ABCA1: variants seen among roughly 807,000 people sequenced by gnomAD.
ABCA1 encodes phospholipid-transporting ATPase ABCA1.
In ABCA1, 133 loss-of-function variants were observed where a neutral mutation model predicts 262.5. The ratio of observed to expected loss-of-function variants is 0.51; its 90% CI spans 0.44 to 0.59. The LOEUF is 0.59. Among genes scored for constraint, ABCA1 ranks in the 20% least tolerant of loss-of-function variants. The pLI, the probability that ABCA1 is intolerant of heterozygous loss-of-function variation, is 0.00. For missense variants in ABCA1, 2,452 were observed against 2,777.5 expected (o/e 0.88, Z 2.63); for synonymous variants, 1,022 against 1,043.5 (o/e 0.98, Z 0.40).
chr9:104,884,287 C>T (rs947120621), intron 4 of ABCA1, 140 bp downstream of exon 4: 24 of 1,066,676 alleles, frequency 2.2e-5, no homozygotes, highest in Admixed American at 4.4e-5. Context: ...TCCCTTCCCT[C>T]ATTCTGCAGA....
intron 3 of ABCA1, among the ~76,000 whole-genome samples, chr9:104,884,864 A>G (rs1412511196): frequency 2.6e-5 from 4 of 152,212 alleles, no homozygotes; most frequent in African/African-American, 9.7e-5. Context: ...TTTGACAGCC[A>G]GCCTCAGCTC....
chr9:104,798,177 T>C lies in ABCA1; in HGVS notation c.5121+244A>G, dbSNP rs13306076. On this transcript the variant is annotated intron_variant, in intron 37 of 49. Transcript: ENST00000374736. ...GAAAGTTGTCACATAGGAACTTAAG[T>C]GGTAGTGGTATTAATTTTCATCATT... is the stretch of plus-strand genomic sequence containing the variant. Among the ~76,000 whole-genome samples, 11 of 152,302 alleles carry C rather than the reference T, an allele frequency of 7.2e-5. No individual in the cohort carries two copies. In the East Asian group the frequency reaches 2.1e-3, roughly 29 times the overall value.
At chr9:104,892,875 G>A (rs1262507273) in intron 2 of ABCA1, among the ~76,000 whole-genome samples, 2 of 151,970 alleles carry the variant, frequency 1.3e-5, no homozygotes, top group Admixed American at 6.6e-5. Context: ...GCAAAATATT[G>A]GAAACAACTT....
At chr9:104,826,708 C>T (rs1158614444) in intron 16 of ABCA1, among the ~76,000 whole-genome samples, 1 of 152,208 alleles carries the variant, frequency 6.6e-6, no homozygotes, top group South Asian at 2.1e-4. Flanking sequence ...TGCAGTCTGG[C>T]TCTCGGAAAA....
At chr9:104,838,857 T>A (rs1302915567) in intron 9 of ABCA1, among the ~76,000 whole-genome samples, 1 of 151,904 alleles carries the variant, frequency 6.6e-6, no homozygotes, top group South Asian at 2.1e-4. Context: ...AAGTCTGTCA[T>A]GGAAATGAAG....
Position 104,825,820 on chromosome 9 carries a change from A to G in ABCA1, c.2405T>C (p.Ile802Thr), listed in dbSNP as rs1275775998. The change falls in exon 17 of 50, where the codon ATT becomes ACT. Residue 802 changes from isoleucine (I) to threonine (T), a missense_variant. Transcript: ENST00000374736. ...AAACAGGTTGTCCCACTGCACTCCA[A>G]TGCCCTGCTCCTCAAAAAGGGCAAA... is the stretch of plus-strand genomic sequence containing the variant. ...EYFALFEEQG[I>T]GVQWDNLFES... 6.2e-7 allele frequency: 1 copy of G among 1,614,166 alleles called. No homozygotes were observed. Among genetic ancestry groups the G allele is most frequent in the Non-Finnish European group, 8.5e-7 (1 of 1,180,032 alleles).
intron 18 of ABCA1, 97 bp from the exon 19 acceptor site, chr9:104,822,764 T>C: frequency 6.4e-6 from 9 of 1,402,768 alleles, no homozygotes; most frequent in Non-Finnish European, 9.0e-6. Flanking sequence ...CAGAAGTGCC[T>C]TCTCTCCATG....
At chr9:104,848,591 G>A (rs1009337645) in intron 7 of ABCA1, among the ~76,000 whole-genome samples, 1 of 151,224 alleles carries the variant, frequency 6.6e-6, no homozygotes, top group Admixed American at 6.6e-5. Flanking sequence ...CTCCAGCCTG[G>A]GCATCAGAGT....
rs1342050819 is a variant in ABCA1 at position 104,928,092 on chromosome 9, C to A, written c.-250G>T. 1 of 152,282 alleles carries A rather than the reference C, an allele frequency of 6.6e-6. No individual in the cohort carries two copies. Among genetic ancestry groups the A allele is most frequent in the Non-Finnish European group, 1.5e-5 (1 of 68,104 alleles). The allele number at this position is 152,282 out of a possible 1,614,324, so 9.4% of individuals were successfully genotyped here. A position where few individuals can be genotyped will look rare whatever the true frequency, so the allele number is the denominator to read the frequency against. Reference sequence around the variant, plus strand: ...GCTCCCCGCCCTGCCCTGCCGCAGCCCGGGAGAGAAGGGTCGGCTCGGCTC... The same window carrying A: ...GCTCCCCGCCCTGCCCTGCCGCAGCACGGGAGAGAAGGGTCGGCTCGGCTC... On this transcript the variant is annotated 5_prime_UTR_variant, in exon 1 of 50. Coordinates refer to ENST00000374736, the MANE Select transcript of ABCA1 (RefSeq NM_005502.4).
chr9:104,921,102 A>G (rs1408524608), intron 1 of ABCA1, among the ~76,000 whole-genome samples: 2 of 152,202 alleles, frequency 1.3e-5, no homozygotes, highest in Non-Finnish European at 2.9e-5. Flanking sequence ...ATTTAGAAGA[A>G]CTAAATCAAC....
At chr9:104,867,055 C>T (rs13301006) in intron 5 of ABCA1, among the ~76,000 whole-genome samples, 18,939 of 152,090 alleles carry the variant, frequency 0.12, 1,293 homozygotes, top group Middle Eastern at 0.22. Flanking sequence ...TGGGGAATTG[C>T]CGATTGCAGA....
Position 104,828,898 on chromosome 9 carries a change from C to A in ABCA1, c.2115+18G>T, listed in dbSNP as rs780152615. On this transcript the variant is annotated intron_variant, in intron 15 of 49. Transcript: ENST00000374736. Reference sequence around the variant, plus strand: ...TTCGGAGTTTCCTGGCAGGGAAGAGCGAGTGAGGCTGCCTTACCTTCAGGA... The same window carrying A: ...TTCGGAGTTTCCTGGCAGGGAAGAGAGAGTGAGGCTGCCTTACCTTCAGGA... 5.0e-6 allele frequency: 8 copies of A among 1,612,360 alleles called. No homozygotes were observed. The East Asian group carries it at 6.7e-5, about 13-fold the overall frequency.
At chr9:104,862,271 T>A (rs929540871) in intron 5 of ABCA1, among the ~76,000 whole-genome samples, 17 of 129,394 alleles carry the variant, frequency 1.3e-4, no homozygotes, top group African/African-American at 4.8e-4. Flanking sequence ...GACTGGCAAA[T>A]TTTTTTTTTT....
In ABCA1 at chr9:104,831,696, C is replaced by T. The variant is rs373975804; in HGVS notation, c.1641G>A (p.Glu547=). 3 of 1,614,118 alleles carry T rather than the reference C, an allele frequency of 1.9e-6. No individual in the cohort carries two copies. The highest frequency in any genetic ancestry group is 2.5e-6 in the Non-Finnish European group (3 of 1,180,056). Residue 547 remains glutamate (E), a synonymous_variant, in exon 13 of 50, where the codon GAG becomes GAA. Transcript: ENST00000374736. ...TCTTGTACTTGACATGATGGGGCAG[C>T]TCAATGCTGCCTGGAGTAATTCCAG... ...VFTGITPGSI[E]LPHHVKYKIR... is the part of the protein sequence containing the mutation.
At chr9:104,801,754 G>A (rs949958077) in intron 34 of ABCA1, among the ~76,000 whole-genome samples, 3 of 152,130 alleles carry the variant, frequency 2.0e-5, no homozygotes, top group Non-Finnish European at 4.4e-5. Context: ...ATGTAGGCCA[G>A]GCTGGTCTCG....
At chr9:104,812,502 T>C in intron 28 of ABCA1, 72 bp downstream of exon 28, 1 of 1,594,882 alleles carries the variant, frequency 6.3e-7, no homozygotes, top group Admixed American at 1.7e-5. Flanking sequence ...GATGCTATCC[T>C]GCCTTCACTG....
At chr9:104,891,809 T>C (rs1378065673) in intron 2 of ABCA1, among the ~76,000 whole-genome samples, 1 of 148,944 alleles carries the variant, frequency 6.7e-6, no homozygotes, top group Non-Finnish European at 1.5e-5. Context: ...CTACTAAAAA[T>C]ACAAAATTAG....
At chr9:104,827,319 G>T in intron 15 of ABCA1, 150 bp from the exon 16 acceptor site, 1 of 736,326 alleles carries the variant, frequency 1.4e-6, no homozygotes, top group Non-Finnish European at 2.4e-6. Context: ...TGAGGCAACT[G>T]ATCATTACCA....
chr9:104,794,499 A>G lies in ABCA1; in HGVS notation c.5394T>C (p.Asn1798=). The G allele has an allele frequency of 9.6e-7, 1 of 1,036,862 alleles. No homozygotes were observed. Among genetic ancestry groups the G allele is most frequent in the Non-Finnish European group, 1.4e-6 (1 of 690,782 alleles). 64.2% of individuals were successfully genotyped at this position (1,036,862 alleles called of 1,614,324 possible). A position where few individuals can be genotyped will look rare whatever the true frequency, so the allele number is the denominator to read the frequency against. Reference sequence around the variant, plus strand: ...ACACGGACTTCAGGATATCATTGATATTATTCAGCTTCTAAAAAAAAAAAA... The same window carrying G: ...ACACGGACTTCAGGATATCATTGATGTTATTCAGCTTCTAAAAAAAAAAAA... ...LELFTDNKLN[N]INDILKSVFL... The change falls in exon 40 of 50, where the codon AAT becomes AAC. Residue 1798 remains asparagine, a synonymous_variant. Transcript: ENST00000374736.
Sources: allele counts gnomAD v4.1 joint callset (sites outside exome capture counted in the v4.1 genomes callset), GRCh38; gene constraint gnomAD v4.1.1; transcripts MANE v1.5; gene names NCBI Gene and HGNC (gene_info 2026-07-23, HGNC 2026-07-21).